Variants in MED13 observed in about 807,000 individuals in gnomAD.
MED13 encodes the protein mediator of RNA polymerase II transcription subunit 13.
MED13 carries 23 observed loss-of-function variants against 225.2 expected under a neutral mutation model. The ratio of observed to expected loss-of-function variants is 0.10; its 90% CI spans 0.07 to 0.14. The LOEUF (loss-of-function observed/expected upper bound fraction) is 0.14, where lower values mean the gene tolerates loss of function less well. Among genes scored for constraint, MED13 ranks in the 10% least tolerant of loss-of-function variants. The pLI is 1.00. For synonymous variants in MED13, 942 were observed against 889.2 expected (o/e 1.06, Z -1.06); for missense variants, 2,197 against 2,594.5 (o/e 0.85, Z 3.33).
chr17:61,980,889 C>A (rs979946579), intron 16 of MED13, among the ~76,000 whole-genome samples: 1 of 151,996 alleles, frequency 6.6e-6, no homozygotes, highest in Admixed American at 6.6e-5. Context: ...ACCACAGGCA[C>A]GCCCCACCAT....
At chr17:61,997,306 T>C (rs2080355091) in intron 9 of MED13, among the ~76,000 whole-genome samples, 1 of 152,148 alleles carries the variant, frequency 6.6e-6, no homozygotes, top group Admixed American at 6.5e-5. Context: ...TTGCAAAAAC[T>C]AAAATCCCAA....
At chr17:62,027,130 C>A (rs2080710265) in intron 8 of MED13, among the ~76,000 whole-genome samples, 1 of 152,168 alleles carries the variant, frequency 6.6e-6, no homozygotes, top group Admixed American at 6.5e-5. Context: ...ATAGCCAAGG[C>A]AATCCTAAGC....
intron 3 of MED13, among the ~76,000 whole-genome samples, chr17:62,045,254 C>A (rs2080888628): frequency 6.6e-6 from 1 of 152,264 alleles, no homozygotes. Context: ...TCTGTATACC[C>A]TCCTAGAAGC....
intron 24 of MED13, 67 bp downstream of exon 24, chr17:61,956,272 G>A (rs1479618733): frequency 1.9e-5 from 27 of 1,449,962 alleles, no homozygotes; most frequent in Admixed American, 1.3e-4. Flanking sequence ...ATACCTAGAC[G>A]TGGTCAGAAC....
In MED13 at chr17:61,965,378, G is replaced by T; in HGVS notation, c.4472C>A (p.Pro1491His). ...APTSQSLITPPQMTNTGNANT... is the reference protein window; with the variant it reads ...APTSQSLITPHQMTNTGNANT... ...AGCATTTCCAGTATTTGTCATCTGA[G>T]GTGGAGTAATCAAAGACTGACTTGT... Residue 1491 changes from proline to histidine, a missense_variant, in exon 20 of 30, where the codon CCT (proline) becomes CAT (histidine). Pro to His is a moderately conservative substitution (Grantham distance 77, BLOSUM62 -2). Coordinates refer to ENST00000397786, the MANE Select transcript of MED13 (RefSeq NM_005121.3). 6.2e-7 allele frequency: 1 copy of T among 1,614,156 alleles called. No homozygotes were observed. The highest frequency in any genetic ancestry group is 8.5e-7 in the Non-Finnish European group (1 of 1,179,982).
intron 8 of MED13, among the ~76,000 whole-genome samples, chr17:62,019,186 G>A (rs1396109780): frequency 6.6e-6 from 1 of 152,186 alleles, no homozygotes; most frequent in Non-Finnish European, 1.5e-5. Flanking sequence ...GCAATAGGCC[G>A]AATGCAGAAG....
chr17:62,063,515 T>C (rs1603410999), intron 1 of MED13, among the ~76,000 whole-genome samples: 1 of 152,160 alleles, frequency 6.6e-6, no homozygotes, highest in Non-Finnish European at 1.5e-5. Flanking sequence ...ACCATGTCAC[T>C]GAATAGCAAG....
At chr17:62,002,749 A>G (rs1031292824) in intron 9 of MED13, among the ~76,000 whole-genome samples, 1 of 152,248 alleles carries the variant, frequency 6.6e-6, no homozygotes, top group Non-Finnish European at 1.5e-5. Flanking sequence ...AGACCATGTC[A>G]AGTATCTCAC....
chr17:62,034,009 A>C (rs191638359), intron 4 of MED13, 25 bp from the exon 5 acceptor site: 18 of 1,593,276 alleles, frequency 1.1e-5, no homozygotes, highest in Non-Finnish European at 1.5e-5. Flanking sequence ...CAGACATCAA[A>C]TAAGTAACAA....
At chr17:62,024,769 A>G (rs989048176) in intron 8 of MED13, among the ~76,000 whole-genome samples, 5 of 152,188 alleles carry the variant, frequency 3.3e-5, no homozygotes, top group African/African-American at 1.2e-4. Context: ...CCCACTTATA[A>G]GTGAGAACAG....
intron 3 of MED13, among the ~76,000 whole-genome samples, chr17:62,041,276 C>CA (rs1308367348): frequency 6.6e-6 from 1 of 151,962 alleles, no homozygotes; most frequent in African/African-American, 2.4e-5. Flanking sequence ...ATAACCCAGA[C>CA]AAAAAAGGAC....
chr17:61,985,933 T>C (rs1165761881), intron 12 of MED13, among the ~76,000 whole-genome samples: 1 of 152,170 alleles, frequency 6.6e-6, no homozygotes, highest in East Asian at 1.9e-4. Flanking sequence ...GACAAAGCAA[T>C]AGAGTTCCTA....
intron 21 of MED13, 44 bp from the exon 22 acceptor site, chr17:61,961,823 G>A: frequency 6.5e-7 from 1 of 1,546,172 alleles, no homozygotes; most frequent in Admixed American, 1.9e-5. Context: ...ACTTCCAAAA[G>A]AGAATAACAG....
chr17:61,994,854 GCGCACAC>G (rs2080333927), intron 10 of MED13, among the ~76,000 whole-genome samples: 1 of 151,994 alleles, frequency 6.6e-6, no homozygotes, highest in African/African-American at 2.4e-5. Context: ...GGATTACAAG[GCGCACAC>G]CACCACACCC....
Position 62,035,573 on chromosome 17 carries a change from T to A in MED13, c.506A>T (p.His169Leu). 6.2e-7 allele frequency: 1 copy of A among 1,613,660 alleles called. No homozygotes were observed. The highest frequency in any genetic ancestry group is 8.5e-7 in the Non-Finnish European group (1 of 1,179,874). ...HLSCSFTFFL[H>L]GDSNVCTSVE... ...ACTGGTACAAACATTGCTGTCTCCA[T>A]GCAAGAAAAAGGTGAAGGAGCAGGA... Residue 169 changes from histidine to leucine, a missense_variant, in exon 4 of 30, where the codon CAT becomes CTT. Physicochemically the swap from His to Leu is moderately conservative, Grantham distance 99. Around this residue, in one of 12 missense-constraint regions of MED13, gnomAD observed 884 missense variants for 918.5 expected, o/e 0.96. Transcript: ENST00000397786.
At chr17:62,015,950 ATATATTTTTTTTTTTT>A (rs1486960619) in intron 8 of MED13, among the ~76,000 whole-genome samples, 27 of 13,754 alleles carry the variant, frequency 2.0e-3, no homozygotes, top group African/African-American at 7.4e-3. Context: ...ATATATATAT[ATATATTTTTTTTTTTT>A]TTTTTTTTTT....
chr17:62,015,954 ATTTTTTTTTTTTTTTT>A (rs869061252), intron 8 of MED13, among the ~76,000 whole-genome samples: 7 of 12,906 alleles, frequency 5.4e-4, no homozygotes, highest in African/African-American at 2.5e-3. Context: ...ATATATATAT[ATTTTTTTTTTTTTTTT>A]TTTTTTTTTT....
chr17:62,027,400 G>A (rs774328005), intron 8 of MED13, among the ~76,000 whole-genome samples: 2 of 152,060 alleles, frequency 1.3e-5, no homozygotes, highest in Non-Finnish European at 2.9e-5. Context: ...GACTGAAATC[G>A]GACCCCTTCC....
At chr17:61,961,195 G>T in intron 22 of MED13, 105 bp from the exon 23 acceptor site, 1 of 1,061,744 alleles carries the variant, frequency 9.4e-7, no homozygotes, top group Non-Finnish European at 1.3e-6. Flanking sequence ...ATTGGAAAAT[G>T]ACAGCTAAGC....
Sources: allele counts gnomAD v4.1 joint callset (sites outside exome capture counted in the v4.1 genomes callset), GRCh38; gene constraint gnomAD v4.1.1; regional missense constraint gnomAD v4.1.1; transcripts MANE v1.5; gene names NCBI Gene and HGNC (gene_info 2026-07-23, HGNC 2026-07-21).